EYA4: variants seen among roughly 807,000 people sequenced by gnomAD.
EYA4 encodes protein phosphatase EYA4.
A neutral mutation model predicts 87.9 loss-of-function variants in EYA4; 31 were observed. That is an observed-to-expected ratio of 0.35 (90% CI 0.27 to 0.48). The LOEUF is 0.48. Ranked by LOEUF, EYA4 falls within the 20% of genes least tolerant of loss-of-function variation. The pLI, the probability that EYA4 is intolerant of heterozygous loss-of-function variation, is 0.99. For synonymous variants in EYA4, 263 were observed against 270.6 expected, an observed-to-expected ratio of 0.97 and a Z score of 0.28; for missense variants, 678 against 761.4, an observed-to-expected ratio of 0.89 and a Z score of 1.29.
intron 2 of EYA4, among the ~76,000 whole-genome samples, chr6:133,361,048 A>G (rs1394278138): frequency 6.6e-6 from 1 of 152,182 alleles, no homozygotes; most frequent in Non-Finnish European, 1.5e-5. Flanking sequence ...TATGAGTAAT[A>G]CCTGATACTC....
intron 2 of EYA4, among the ~76,000 whole-genome samples, chr6:133,365,658 A>G (rs187056729): frequency 5.3e-5 from 8 of 152,248 alleles, no homozygotes; most frequent in Non-Finnish European, 1.2e-4. Context: ...AGGGAAGGGC[A>G]GAGGAAACAG....
chr6:133,481,206 G>T (rs1796189155), intron 11 of EYA4, among the ~76,000 whole-genome samples: 2 of 152,054 alleles, frequency 1.3e-5, no homozygotes, highest in African/African-American at 2.4e-5. Context: ...TGTAAGTGAA[G>T]GTATAGACAG....
At chr6:133,324,755 G>A (rs1485813855) in intron 2 of EYA4, among the ~76,000 whole-genome samples, 2 of 151,960 alleles carry the variant, frequency 1.3e-5, no homozygotes, top group Non-Finnish European at 2.9e-5. Flanking sequence ...GAACTTCATC[G>A]AGTATGGATT....
chr6:133,364,628 G>A (rs1170094940), intron 2 of EYA4, among the ~76,000 whole-genome samples: 2 of 152,224 alleles, frequency 1.3e-5, no homozygotes, highest in African/African-American at 2.4e-5. Context: ...GAAACTGGCG[G>A]TGGTGCCTCA....
intron 11 of EYA4, among the ~76,000 whole-genome samples, chr6:133,480,835 G>A (rs1796146290): frequency 6.6e-6 from 1 of 152,072 alleles, no homozygotes. Context: ...ACTATTCTAA[G>A]AAGTTTTATG....
chr6:133,513,225 C>T (rs531239775), intron 16 of EYA4, among the ~76,000 whole-genome samples, 187 bp downstream of exon 16: 9 of 152,276 alleles, frequency 5.9e-5, no homozygotes, highest in East Asian at 3.9e-4. Context: ...CATGCACCAC[C>T]GTCACATAAA....
intron 13 of EYA4, among the ~76,000 whole-genome samples, chr6:133,489,258 A>C (rs912488816): frequency 3.9e-5 from 6 of 152,154 alleles, no homozygotes; most frequent in African/African-American, 1.4e-4. Flanking sequence ...TACAAGATCT[A>C]GAAAATAGCC....
At chr6:133,399,902 G>T (rs1026948135) in intron 3 of EYA4, among the ~76,000 whole-genome samples, 4 of 152,252 alleles carry the variant, frequency 2.6e-5, no homozygotes, top group Admixed American at 2.0e-4. Context: ...CAAAGAGGAG[G>T]TTTTGTATAA....
At position 133,394,282 on chromosome 6, in the gene EYA4, GTGTT is replaced by G. The variant is rs1417117608; in HGVS notation, c.83+11843_83+11846del. Among the ~76,000 whole-genome samples, 121 of 107,818 alleles carry G rather than the reference GTGTT, an allele frequency of 1.1e-3. 9 individuals are homozygous for G. Among genetic ancestry groups the G allele is most frequent in the African/African-American group, 5.0e-3 (105 of 20,844 alleles). The allele number at this position is 107,818 out of a possible 152,430, so 70.7% of individuals were successfully genotyped here. ...GTTGGAAAAATGTATATATAAGCTT[GTGTT>G]TTTTTTTTTTTTTTTTTTTTTTTTT... is the stretch of plus-strand genomic sequence containing the variant. On this transcript the variant is annotated intron_variant, in intron 3 of 19. Coordinates refer to ENST00000355286, the MANE Select transcript of EYA4 (RefSeq NM_004100.5).
At chr6:133,458,521 A>G (rs957911174) in intron 6 of EYA4, among the ~76,000 whole-genome samples, 2 of 152,148 alleles carry the variant, frequency 1.3e-5, no homozygotes, top group Non-Finnish European at 2.9e-5. Flanking sequence ...GGGATTATCA[A>G]CATCAGCACT....
intron 17 of EYA4, among the ~76,000 whole-genome samples, chr6:133,521,424 C>T (rs1385836350): frequency 2.1e-5 from 3 of 140,958 alleles, no homozygotes; most frequent in Non-Finnish European, 3.1e-5. Context: ...GATACCATCT[C>T]ACACCAGTTA....
intron 13 of EYA4, among the ~76,000 whole-genome samples, chr6:133,498,274 G>A (rs186611692): frequency 6.6e-5 from 10 of 152,254 alleles, no homozygotes; most frequent in African/African-American, 2.4e-4. Context: ...GAATGACCCT[G>A]AGTTCAAATT....
chr6:133,483,243 A>G (rs1796376472), intron 13 of EYA4, 128 bp downstream of exon 13: 4 of 694,216 alleles, frequency 5.8e-6, no homozygotes, highest in Non-Finnish European at 1.0e-5. Context: ...TCTCTTAATT[A>G]TCTATTTCTA....
intron 13 of EYA4, among the ~76,000 whole-genome samples, chr6:133,493,594 G>C (rs986346721): frequency 2.0e-5 from 3 of 152,118 alleles, no homozygotes; most frequent in African/African-American, 7.2e-5. Flanking sequence ...ATGGATAAAT[G>C]GGAGGCATCA....
chr6:133,441,113 C>T (rs1039762921), intron 3 of EYA4, among the ~76,000 whole-genome samples: 7 of 152,024 alleles, frequency 4.6e-5, no homozygotes, highest in Admixed American at 3.3e-4. Flanking sequence ...TTCTCTTTCT[C>T]CTGTTTTTTT....
At chr6:133,300,515 A>G (rs554980983) in intron 2 of EYA4, among the ~76,000 whole-genome samples, 27 of 151,562 alleles carry the variant, frequency 1.8e-4, no homozygotes, top group African/African-American at 2.4e-4. Flanking sequence ...TGTTGTTGTT[A>G]TTATTATTAT....
At chr6:133,451,713 G>T (rs993340468) in intron 5 of EYA4, among the ~76,000 whole-genome samples, 1 of 152,170 alleles carries the variant, frequency 6.6e-6, no homozygotes, top group Non-Finnish European at 1.5e-5. Flanking sequence ...GTTCAAGGTG[G>T]ATGAACAGTG....
At chr6:133,513,957 A>G (rs1159562148) in intron 16 of EYA4, among the ~76,000 whole-genome samples, 2 of 152,188 alleles carry the variant, frequency 1.3e-5, no homozygotes, top group African/African-American at 4.8e-5. Flanking sequence ...ATGTTCATAT[A>G]TAGTATATAA....
At chr6:133,512,147 T>C (rs1226307139) in intron 14 of EYA4, among the ~76,000 whole-genome samples, 1 of 152,170 alleles carries the variant, frequency 6.6e-6, no homozygotes, top group Non-Finnish European at 1.5e-5. Context: ...AAAATGTCAA[T>C]ATCTATGATC....
Sources: allele counts gnomAD v4.1 joint callset (sites outside exome capture counted in the v4.1 genomes callset), GRCh38; gene constraint gnomAD v4.1.1; transcripts MANE v1.5; gene names NCBI Gene and HGNC (gene_info 2026-07-23, HGNC 2026-07-21).